GPAT3: variants seen among roughly 807,000 people sequenced by gnomAD.
The protein encoded by GPAT3 is 1-AGP acyltransferase 9.
GPAT3 carries 53 observed loss-of-function variants against 58.8 expected under a neutral mutation model. That is an observed-to-expected ratio of 0.90 (90% CI 0.72 to 1.13). The LOEUF (loss-of-function observed/expected upper bound fraction) is 1.13. Among genes scored for constraint, GPAT3 ranks in the 50% most tolerant of loss-of-function variants. GPAT3 has a pLI of 0.00. For synonymous variants in GPAT3, 197 were observed against 187.4 expected, an observed-to-expected ratio of 1.05 and a Z score of -0.42; for missense variants, 511 against 527.6, an observed-to-expected ratio of 0.97 and a Z score of 0.31.
intron 3 of GPAT3, among the ~76,000 whole-genome samples, chr4:83,582,390 T>A (rs911532841): frequency 3.9e-5 from 6 of 152,262 alleles, no homozygotes; most frequent in African/African-American, 1.4e-4. Flanking sequence ...CTTCTGCTTC[T>A]GAGCTTGAGT....
intron 2 of GPAT3, among the ~76,000 whole-genome samples, chr4:83,558,339 A>T (rs1367659268): frequency 6.6e-6 from 1 of 152,206 alleles, no homozygotes; most frequent in Non-Finnish European, 1.5e-5. Flanking sequence ...GGGCTGGGTT[A>T]CGTGATAAAG....
rs12647501 is a variant in GPAT3 at position 83,598,473 on chromosome 4, A to G, written c.1126-171A>G. 1.1e-4 allele frequency: 85 copies of G among 756,058 alleles called. No homozygotes were observed. The East Asian group carries it at 2.3e-3, about 20-fold the overall frequency. The allele number at this position is 756,058 out of a possible 1,614,324, so 46.8% of individuals were successfully genotyped here. On this transcript the variant is annotated intron_variant, in intron 10 of 11. Transcript: ENST00000264409. ...ATGGTAAAAAATTAAACAATACAACACTGCATTTTCTTTATAGAACAAATG... is the reference window on the plus strand; with the variant it reads ...ATGGTAAAAAATTAAACAATACAACGCTGCATTTTCTTTATAGAACAAATG...
At position 83,547,410 on chromosome 4, in the gene GPAT3, G is replaced by A. The variant is rs530731560; in HGVS notation, c.208+2808G>A. On this transcript the variant is annotated intron_variant, in intron 2 of 11. Coordinates refer to ENST00000264409, the MANE Select transcript of GPAT3 (RefSeq NM_032717.5). ...TGGGACTACAGGTGCCCGCCACCAC[G>A]CCCAGCTAATTTTTTGTATTTTTAG... is the stretch of plus-strand genomic sequence containing the variant. Among the ~76,000 whole-genome samples, 223 of 151,448 alleles carry A rather than the reference G, an allele frequency of 1.5e-3. 1 individual carries two copies. Among genetic ancestry groups the A allele is most frequent in the African/African-American group, 4.5e-3 (184 of 41,198 alleles).
rs1397938802 is a variant in GPAT3, at chr4:83,604,824, T to C, written c.*57T>C. 7 of 1,250,224 alleles carry C rather than the reference T, an allele frequency of 5.6e-6. No individual in the cohort carries two copies. Among genetic ancestry groups the C allele is most frequent in the African/African-American group, 1.5e-5 (1 of 65,768 alleles). The allele number at this position is 1,250,224 out of a possible 1,614,324, so 77.4% of individuals were successfully genotyped here. On this transcript the variant is annotated 3_prime_UTR_variant, in exon 12 of 12. Transcript: ENST00000264409. The stretch of plus-strand genomic sequence containing the variant: ...TAGCCCTTAGAAATGGAATGGCTTT[T>C]TTTGTTTTGTTTTGTTTTATTGTTT...
intron 5 of GPAT3, among the ~76,000 whole-genome samples, chr4:83,588,700 A>G (rs1726479066): frequency 6.6e-6 from 1 of 152,204 alleles, no homozygotes; most frequent in Admixed American, 6.5e-5. Flanking sequence ...TTTAAAAACA[A>G]TGAAGTTGAC....
chr4:83,575,172 G>A (rs973367593), intron 2 of GPAT3, among the ~76,000 whole-genome samples: 5 of 152,036 alleles, frequency 3.3e-5, no homozygotes, highest in African/African-American at 7.2e-5. Context: ...CACCGCGCCC[G>A]GCCAACGGAC....
At chr4:83,537,621 G>C (rs1481002604) in intron 1 of GPAT3, among the ~76,000 whole-genome samples, 1 of 141,128 alleles carries the variant, frequency 7.1e-6, no homozygotes. Context: ...GTGTGTGTGT[G>C]TGTGTATATT....
At position 83,536,452 on chromosome 4, in the gene GPAT3, G is replaced by C. The variant is rs1724091695; in HGVS notation, c.-171G>C. The C allele has an allele frequency of 7.0e-7, 1 of 1,425,832 alleles. No homozygotes were observed. The highest frequency in any genetic ancestry group is 2.9e-5 in the Admixed American group (1 of 34,668). 88.3% of individuals were successfully genotyped at this position (1,425,832 alleles called of 1,614,324 possible). On this transcript the variant is annotated 5_prime_UTR_variant, in exon 1 of 12. Coordinates refer to ENST00000264409, the MANE Select transcript of GPAT3 (RefSeq NM_032717.5). ...GAGGAGGAGCCCAGGGAGGAAGGAA[G>C]GATATTGCCGTAATTCTGAAAGTTT...
intron 2 of GPAT3, among the ~76,000 whole-genome samples, chr4:83,559,623 A>G (rs1725059712): frequency 6.6e-6 from 1 of 152,162 alleles, no homozygotes; most frequent in Non-Finnish European, 1.5e-5. Context: ...GCACCCGGAG[A>G]AAGCAGGAAA....
At chr4:83,563,779 C>T (rs1725277541) in intron 2 of GPAT3, among the ~76,000 whole-genome samples, 1 of 152,136 alleles carries the variant, frequency 6.6e-6, no homozygotes, top group Admixed American at 6.5e-5. Context: ...CTGTACCCGG[C>T]CAAGTGTTTA....
chr4:83,544,658 C>A (rs1169353293), intron 2 of GPAT3, 56 bp downstream of exon 2: 1 of 1,513,310 alleles, frequency 6.6e-7, no homozygotes, highest in East Asian at 2.3e-5. Context: ...TGGATGTAAA[C>A]CTACCCAATT....
intron 2 of GPAT3, among the ~76,000 whole-genome samples, chr4:83,580,460 T>C (rs1726066345): frequency 6.6e-6 from 1 of 152,200 alleles, no homozygotes; most frequent in South Asian, 2.1e-4. Flanking sequence ...TTGCCTACAT[T>C]TGCCTACATT....
intron 2 of GPAT3, among the ~76,000 whole-genome samples, chr4:83,566,007 G>T (rs1460315425): frequency 6.6e-6 from 1 of 152,182 alleles, no homozygotes; most frequent in Non-Finnish European, 1.5e-5. Context: ...CAAGATGTTT[G>T]ATTATACTCC....
chr4:83,579,042 CTT>C (rs1560621004), intron 2 of GPAT3, among the ~76,000 whole-genome samples: 8 of 26,054 alleles, frequency 3.1e-4, no homozygotes, highest in East Asian at 1.2e-3. Context: ...TTCTTTCTTT[CTT>C]TCTTTCTTTC....
At chr4:83,601,616 G>T (rs758825084) in intron 11 of GPAT3, among the ~76,000 whole-genome samples, 10 of 152,166 alleles carry the variant, frequency 6.6e-5, no homozygotes, top group Non-Finnish European at 1.3e-4. Context: ...TTAGCTGGGC[G>T]CCATGGCGCA....
chr4:83,562,199 AATATATATATAT>A (rs1425922386), intron 2 of GPAT3, among the ~76,000 whole-genome samples: 939 of 36,056 alleles, frequency 0.026, 30 homozygotes, highest in African/African-American at 0.072. Flanking sequence ...ATATATATAT[AATATATATATAT>A]TATATATATA....
rs142294690 is a variant in GPAT3, at chr4:83,549,444, C to CGTGTGT, written c.208+4861_208+4866dup. ...GGTTGGGGCTTTCTTTTTTATTTTG[C>CGTGTGT]GTGTGTGTGTGTGTGTGTGTGTGTA... is the stretch of plus-strand genomic sequence containing the variant. On this transcript the variant is annotated intron_variant, in intron 2 of 11. Transcript: ENST00000264409. Among the ~76,000 whole-genome samples, 167 of 145,804 alleles carry CGTGTGT rather than the reference C, an allele frequency of 1.1e-3. 1 individual carries two copies. The highest frequency in any genetic ancestry group is 7.1e-3 in the Middle Eastern group (2 of 282).
intron 2 of GPAT3, among the ~76,000 whole-genome samples, chr4:83,574,128 G>A (rs1725701719): frequency 6.6e-6 from 1 of 152,192 alleles, no homozygotes; most frequent in African/African-American, 2.4e-5. Flanking sequence ...AGGCTTCCAT[G>A]AGAAAGTGTT....
At chr4:83,537,647 G>T in intron 1 of GPAT3, among the ~76,000 whole-genome samples, 1 of 148,900 alleles carries the variant, frequency 6.7e-6, no homozygotes, top group Non-Finnish European at 1.5e-5. Context: ...TAAGAGACAG[G>T]GTCTTGCTAT....
Sources: gnomAD v4.1 joint callset for allele counts (sites outside exome capture counted in the v4.1 genomes callset) on GRCh38, gnomAD v4.1.1 for gene constraint, MANE v1.5 for transcripts, NCBI Gene and HGNC (gene_info 2026-07-23, HGNC 2026-07-21) for gene names.